VWC2L: variants seen among roughly 807,000 people sequenced by gnomAD.
VWC2L encodes von Willebrand factor C domain containing 2 like.
A neutral mutation model predicts 21.6 loss-of-function variants in VWC2L; 10 were observed. That is an observed-to-expected ratio of 0.46 (90% CI 0.29 to 0.78). VWC2L has a LOEUF of 0.78. Among genes scored for constraint, VWC2L ranks in the 30% least tolerant of loss-of-function variants. The probability of loss-of-function intolerance (pLI) is 0.10; values close to 1 mark genes in which losing one functional copy is unlikely to be tolerated. For synonymous variants in VWC2L, 96 were observed against 94.3 expected (o/e 1.02, Z -0.10); for missense variants, 209 against 277.1 (o/e 0.75, Z 1.74).
chr2:214,440,959 G>A (rs927013653), intron 3 of VWC2L, among the ~76,000 whole-genome samples: 4 of 152,114 alleles, frequency 2.6e-5, no homozygotes, highest in Admixed American at 1.3e-4. Context: ...AGAAGGAAAT[G>A]TTACCCCATG....
intron 3 of VWC2L, among the ~76,000 whole-genome samples, chr2:214,456,875 T>C (rs1242840902): frequency 6.6e-6 from 1 of 152,134 alleles, no homozygotes. Flanking sequence ...CAAATATCAA[T>C]TGGCTGTAAA....
At chr2:214,519,515 T>G (rs1212575795) in intron 3 of VWC2L, among the ~76,000 whole-genome samples, 2 of 152,220 alleles carry the variant, frequency 1.3e-5, no homozygotes. Flanking sequence ...CAAGTGTGTC[T>G]TGAAAACCAA....
chr2:214,549,843 TG>T (rs1169357625), intron 3 of VWC2L, among the ~76,000 whole-genome samples: 2 of 152,156 alleles, frequency 1.3e-5, no homozygotes, highest in African/African-American at 4.8e-5. Context: ...GACTGAGATC[TG>T]GGTAGAATTA....
At chr2:214,541,502 A>G (rs1306316058) in intron 3 of VWC2L, among the ~76,000 whole-genome samples, 1 of 152,224 alleles carries the variant, frequency 6.6e-6, no homozygotes, top group African/African-American at 2.4e-5. Flanking sequence ...AAATGATTGA[A>G]TGAACTTAAA....
chr2:214,451,943 A>T (rs1382174041), intron 3 of VWC2L, among the ~76,000 whole-genome samples: 1 of 152,146 alleles, frequency 6.6e-6, no homozygotes. Flanking sequence ...CTGTGAAACT[A>T]TTGTCATAAT....
chr2:214,461,483 C>T (rs554130375), intron 3 of VWC2L, among the ~76,000 whole-genome samples: 9 of 152,224 alleles, frequency 5.9e-5, no homozygotes, highest in Non-Finnish European at 1.2e-4. Flanking sequence ...CTGGGTGACG[C>T]TAACCATGGT....
chr2:214,578,235 C>A lies in VWC2L; in HGVS notation c.*2415C>A, dbSNP rs971562250. ...ATCTATTATTAAGGAGTTACTATGT[C>A]CTTTTTTAGAAAACAGAAAGAGAGT... On this transcript the variant is annotated 3_prime_UTR_variant, in exon 4 of 4. Coordinates refer to ENST00000312504, the MANE Select transcript of VWC2L (RefSeq NM_001080500.4). 3 of 152,068 alleles carry A rather than the reference C, an allele frequency of 2.0e-5. No individual in the cohort carries two copies. The highest frequency in any genetic ancestry group is 4.4e-5 in the Non-Finnish European group (3 of 68,012). 9.4% of individuals were successfully genotyped at this position (152,068 alleles called of 1,614,324 possible).
chr2:214,507,903 G>A (rs1296477224), intron 3 of VWC2L, among the ~76,000 whole-genome samples: 2 of 152,162 alleles, frequency 1.3e-5, no homozygotes, highest in Admixed American at 6.5e-5. Flanking sequence ...AATCTTATTA[G>A]ATGTTATATT....
intron 3 of VWC2L, among the ~76,000 whole-genome samples, chr2:214,462,552 CTTGATG>C (rs954076101): frequency 4.6e-5 from 7 of 152,152 alleles, no homozygotes; most frequent in African/African-American, 1.7e-4. Context: ...CCCTCTCATT[CTTGATG>C]TTGATGATTT....
chr2:214,575,693 C>G lies in VWC2L; in HGVS notation c.542C>G (p.Thr181Arg). 6.2e-7 allele frequency: 1 copy of G among 1,613,296 alleles called. No homozygotes were observed. The highest frequency in any genetic ancestry group is 8.5e-7 in the Non-Finnish European group (1 of 1,179,422). The change falls in exon 4 of 4, where the codon ACG becomes AGG. Residue 181 changes from threonine (T) to arginine (R), a missense_variant. Transcript: ENST00000312504. ...TCAGGTCCAAACTGCTTTGCAGGAA[C>G]GACGATAATTCCAGCTGGCATTGAA... ...CKNGPNCFAG[T>R]TIIPAGIEVK...
chr2:214,459,682 T>G (rs1463746767), intron 3 of VWC2L, among the ~76,000 whole-genome samples: 1 of 152,166 alleles, frequency 6.6e-6, no homozygotes, highest in Non-Finnish European at 1.5e-5. Flanking sequence ...TCTTTTTACA[T>G]GTCTGGAAAA....
intron 3 of VWC2L, among the ~76,000 whole-genome samples, chr2:214,496,067 G>A (rs1206481391): frequency 1.3e-5 from 2 of 152,022 alleles, no homozygotes; most frequent in Non-Finnish European, 2.9e-5. Flanking sequence ...TTACGCTATA[G>A]GGTATATTTA....
chr2:214,446,284 T>C (rs1400404355), intron 3 of VWC2L, among the ~76,000 whole-genome samples: 2 of 152,200 alleles, frequency 1.3e-5, no homozygotes, highest in African/African-American at 4.8e-5. Flanking sequence ...TCTGCATCTC[T>C]ACAACTGAAG....
chr2:214,421,576 G>A (rs768429623), intron 2 of VWC2L, among the ~76,000 whole-genome samples: 7 of 152,040 alleles, frequency 4.6e-5, no homozygotes, highest in Non-Finnish European at 7.4e-5. Context: ...GGAGATCGGC[G>A]TTGATTTGCA....
intron 3 of VWC2L, among the ~76,000 whole-genome samples, chr2:214,522,264 A>G (rs1689253518): frequency 6.7e-6 from 1 of 150,070 alleles, no homozygotes; most frequent in South Asian, 2.1e-4. Context: ...AGTCCCAGCT[A>G]CTCCGGAGGG....
intron 3 of VWC2L, among the ~76,000 whole-genome samples, chr2:214,476,750 C>T (rs1688531589): frequency 6.6e-6 from 1 of 152,174 alleles, no homozygotes; most frequent in African/African-American, 2.4e-5. Context: ...AGCATACACA[C>T]CACTTACTCT....
At chr2:214,430,401 T>A (rs1339042027) in intron 2 of VWC2L, among the ~76,000 whole-genome samples, 3 of 152,190 alleles carry the variant, frequency 2.0e-5, no homozygotes, top group Non-Finnish European at 4.4e-5. Context: ...TTTAAAAACA[T>A]CAAAATATGT....
chr2:214,439,732 T>C (rs1702736472), intron 3 of VWC2L, among the ~76,000 whole-genome samples: 1 of 151,872 alleles, frequency 6.6e-6, no homozygotes, highest in African/African-American at 2.4e-5. Context: ...ATATAAACTT[T>C]TGAATGTGAT....
chr2:214,414,737 T>A, intron 2 of VWC2L, 154 bp downstream of exon 2: 1 of 807,566 alleles, frequency 1.2e-6, no homozygotes, highest in Non-Finnish European at 1.9e-6. Flanking sequence ...AGCACCATGG[T>A]CAACAAATGG....
Sources: allele counts gnomAD v4.1 joint callset (sites outside exome capture counted in the v4.1 genomes callset), GRCh38; gene constraint gnomAD v4.1.1; transcripts MANE v1.5; gene names NCBI Gene and HGNC (gene_info 2026-07-23, HGNC 2026-07-21).